Variants in FHIT observed in about 807,000 individuals in gnomAD.
The protein encoded by FHIT is fragile histidine triad diadenosine triphosphatase.
In FHIT, 19 loss-of-function variants were observed where a neutral mutation model predicts 17.9. That is an observed-to-expected ratio of 1.06 (90% CI 0.74 to 1.56). The LOEUF is 1.56. FHIT is among the 40% of genes most tolerant of loss of function. FHIT has a pLI of 0.00. For missense variants in FHIT, 248 were observed against 189.2 expected (o/e 1.31, Z -1.82); for synonymous variants, 81 against 69.7 (o/e 1.16, Z -0.81).
chr3:59,913,933 C>T (rs868374901), intron 8 of FHIT, among the ~76,000 whole-genome samples: 3 of 152,132 alleles, frequency 2.0e-5, no homozygotes, highest in Non-Finnish European at 4.4e-5. Context: ...CATTCAAATT[C>T]CTATTCTAAA....
At chr3:60,782,450 G>A (rs1700426441) in intron 4 of FHIT, among the ~76,000 whole-genome samples, 1 of 152,026 alleles carries the variant, frequency 6.6e-6, no homozygotes, top group Non-Finnish European at 1.5e-5. Flanking sequence ...GGGTATTAAG[G>A]GACTATCATT....
chr3:61,049,636 T>C (rs558194430), intron 2 of FHIT, among the ~76,000 whole-genome samples: 75 of 152,268 alleles, frequency 4.9e-4, no homozygotes, highest in African/African-American at 1.6e-3. Flanking sequence ...ATCTATGAAG[T>C]ATTCTTGCCT....
intron 5 of FHIT, among the ~76,000 whole-genome samples, chr3:60,165,838 T>C (rs1701148610): frequency 6.6e-6 from 1 of 152,112 alleles, no homozygotes. Context: ...CTGAGAGGTG[T>C]CCTCGGTGAA....
intron 5 of FHIT, among the ~76,000 whole-genome samples, chr3:60,129,186 G>C (rs1699411444): frequency 6.6e-6 from 1 of 151,516 alleles, no homozygotes; most frequent in African/African-American, 2.4e-5. Flanking sequence ...CCAAGTAGCT[G>C]GGACTACAGG....
At chr3:60,875,233 C>A (rs1704590152) in intron 3 of FHIT, among the ~76,000 whole-genome samples, 2 of 152,166 alleles carry the variant, frequency 1.3e-5, no homozygotes, top group Non-Finnish European at 2.9e-5. Context: ...CTGATGCTTA[C>A]TACTTGTCCA....
At chr3:59,751,576 G>C (rs1425580204) in intron 9 of FHIT, 1 of 211,588 alleles carries the variant, frequency 4.7e-6, no homozygotes, top group Non-Finnish European at 9.4e-6. Context: ...AAGGAAATTG[G>C]CTATAGCTAT....
chr3:60,305,805 A>T (rs1018289974), intron 5 of FHIT, among the ~76,000 whole-genome samples: 3 of 152,200 alleles, frequency 2.0e-5, no homozygotes, highest in East Asian at 1.9e-4. Context: ...TGCTAAATGG[A>T]TACTTAGCAA....
intron 4 of FHIT, among the ~76,000 whole-genome samples, chr3:60,756,220 A>G (rs1299046529): frequency 2.6e-5 from 4 of 152,238 alleles, no homozygotes; most frequent in South Asian, 2.1e-4. Context: ...GGCTTCTTCT[A>G]TCAAACACAT....
intron 4 of FHIT, among the ~76,000 whole-genome samples, chr3:60,664,923 T>G (rs543392772): frequency 6.6e-6 from 1 of 152,122 alleles, no homozygotes; most frequent in African/African-American, 2.4e-5. Context: ...GTTCTTTGTC[T>G]CATTGACTAC....
chr3:60,168,663 T>C (rs78454050), intron 5 of FHIT, among the ~76,000 whole-genome samples: 1 of 152,178 alleles, frequency 6.6e-6, no homozygotes, highest in Non-Finnish European at 1.5e-5. Context: ...AAGAACCGTG[T>C]TTTTGAAAGG....
chr3:60,352,956 C>G (rs1459603902), intron 5 of FHIT, among the ~76,000 whole-genome samples: 1 of 152,160 alleles, frequency 6.6e-6, no homozygotes, highest in Non-Finnish European at 1.5e-5. Context: ...TTATACCTCC[C>G]TTGGAGATCA....
intron 5 of FHIT, among the ~76,000 whole-genome samples, chr3:60,383,761 TC>T (rs1341670081): frequency 6.6e-6 from 1 of 152,340 alleles, no homozygotes; most frequent in East Asian, 1.9e-4. Context: ...ATAGCATTTT[TC>T]AACAGAGGCT....
chr3:60,311,877 C>T (rs1262689501), intron 5 of FHIT, among the ~76,000 whole-genome samples: 1 of 149,298 alleles, frequency 6.7e-6, no homozygotes, highest in Non-Finnish European at 1.5e-5. Flanking sequence ...TATTTGAAAT[C>T]AATTAGTCCA....
intron 4 of FHIT, among the ~76,000 whole-genome samples, chr3:60,816,666 G>A (rs1701749008): frequency 6.8e-6 from 1 of 146,886 alleles, no homozygotes; most frequent in South Asian, 2.3e-4. Flanking sequence ...TTGCCTCTAT[G>A]TTCATCAGGG....
intron 7 of FHIT, among the ~76,000 whole-genome samples, chr3:59,984,851 T>A (rs982971531): frequency 1.3e-5 from 2 of 152,060 alleles, no homozygotes; most frequent in African/African-American, 2.4e-5. Flanking sequence ...GGGCTACATG[T>A]CATAATCCTC....
chr3:61,158,400 C>T (rs2107081541), intron 2 of FHIT, among the ~76,000 whole-genome samples: 1 of 152,278 alleles, frequency 6.6e-6, no homozygotes, highest in East Asian at 1.9e-4. Flanking sequence ...CCAAATAAAA[C>T]CGCAGGCCAC....
chr3:60,821,302 AT>A (rs1244932878), intron 4 of FHIT, among the ~76,000 whole-genome samples: 2 of 152,134 alleles, frequency 1.3e-5, no homozygotes, highest in African/African-American at 4.8e-5. Context: ...ATCCGGTGAA[AT>A]CATTCAAAGA....
intron 5 of FHIT, among the ~76,000 whole-genome samples, chr3:60,262,045 T>G (rs916230934): frequency 6.6e-6 from 1 of 152,036 alleles, no homozygotes; most frequent in Non-Finnish European, 1.5e-5. Context: ...TCCCTATGTC[T>G]TTGGGTCTTC....
chr3:60,793,506 C>T (rs1241427668), intron 4 of FHIT, among the ~76,000 whole-genome samples: 1 of 152,142 alleles, frequency 6.6e-6, no homozygotes, highest in Non-Finnish European at 1.5e-5. Context: ...TTTTGCCATG[C>T]TGGCCAGGCT....
Sources: allele counts gnomAD v4.1 joint callset (sites outside exome capture counted in the v4.1 genomes callset), GRCh38; gene constraint gnomAD v4.1.1; transcripts MANE v1.5; gene names NCBI Gene and HGNC (gene_info 2026-07-23, HGNC 2026-07-21).